Variants in RBFOX1 observed in about 807,000 individuals in gnomAD.
The protein encoded by RBFOX1 is RNA binding protein fox-1 homolog 1.
Under a neutral mutation model 57.7 loss-of-function variants are expected in RBFOX1, and 8 were observed. The ratio of observed to expected loss-of-function variants is 0.14; its 90% CI spans 0.08 to 0.25. RBFOX1 has a LOEUF of 0.25. Among genes scored for constraint, RBFOX1 ranks in the 10% least tolerant of loss-of-function variants. RBFOX1 has a pLI of 1.00. For missense variants in RBFOX1, 611 were observed against 548.5 expected, an observed-to-expected ratio of 1.11 and a Z score of -1.14; for synonymous variants, 326 against 222.4, an observed-to-expected ratio of 1.47 and a Z score of -4.15.
chr16:5,710,014 C>G (rs187707756), intron 3 of RBFOX1, among the ~76,000 whole-genome samples: 2 of 150,840 alleles, frequency 1.3e-5, no homozygotes, highest in Admixed American at 6.6e-5. Context: ...GTTCTACAGC[C>G]TGTACGCTGA....
intron 4 of RBFOX1, among the ~76,000 whole-genome samples, chr16:7,065,164 G>T (rs536343775): frequency 1.3e-5 from 2 of 152,332 alleles, no homozygotes; most frequent in East Asian, 3.9e-4. Context: ...AAATGAGCAA[G>T]CAACTGGTGT....
chr16:6,462,307 C>G (rs1178596362), intron 2 of RBFOX1, among the ~76,000 whole-genome samples: 2 of 152,206 alleles, frequency 1.3e-5, no homozygotes, highest in Non-Finnish European at 1.5e-5. Context: ...TTTGCTGATA[C>G]AATTATCCAT....
chr16:6,249,453 G>T (rs900784597), intron 1 of RBFOX1, among the ~76,000 whole-genome samples: 85 of 152,286 alleles, frequency 5.6e-4, no homozygotes, highest in African/African-American at 2.0e-3. Context: ...GAACCCGGGA[G>T]GCAGAGATTG....
intron 1 of RBFOX1, among the ~76,000 whole-genome samples, chr16:5,252,973 A>G (rs2062490476): frequency 1.3e-5 from 2 of 152,214 alleles, no homozygotes; most frequent in East Asian, 1.9e-4. Context: ...GCACGCAGCC[A>G]ATTGTCTTGG....
intron 1 of RBFOX1, among the ~76,000 whole-genome samples, chr16:5,431,234 G>C (rs368371387): frequency 2.9e-4 from 44 of 152,274 alleles, no homozygotes; most frequent in South Asian, 1.7e-3. Context: ...ATAGCCTTTC[G>C]TAAAGTTCTG....
intron 13 of RBFOX1, among the ~76,000 whole-genome samples, chr16:7,670,847 T>G (rs1363773161): frequency 6.6e-6 from 1 of 152,192 alleles, no homozygotes; most frequent in Non-Finnish European, 1.5e-5. Context: ...TGACCATGAA[T>G]GACTCTTATG....
intron 2 of RBFOX1, among the ~76,000 whole-genome samples, chr16:6,341,724 C>G (rs961470940): frequency 6.6e-6 from 1 of 152,004 alleles, no homozygotes. Flanking sequence ...TATGAATGTC[C>G]TACTCTGTCT....
chr16:5,490,481 G>T (rs1333024795), intron 2 of RBFOX1, among the ~76,000 whole-genome samples: 1 of 151,898 alleles, frequency 6.6e-6, no homozygotes, highest in Non-Finnish European at 1.5e-5. Context: ...GGCGTCCTGG[G>T]AACCTGGCGT....
At chr16:6,917,073 A>C (rs1210268257) in intron 3 of RBFOX1, among the ~76,000 whole-genome samples, 2 of 152,140 alleles carry the variant, frequency 1.3e-5, no homozygotes, top group African/African-American at 4.8e-5. Flanking sequence ...CTAGTCCTGA[A>C]CTCATGATCT....
chr16:5,503,698 C>T (rs1016522852), intron 2 of RBFOX1, among the ~76,000 whole-genome samples: 1 of 152,142 alleles, frequency 6.6e-6, no homozygotes, highest in African/African-American at 2.4e-5. Context: ...TCTGCCTCGG[C>T]CTCCCAAAGT....
At chr16:7,688,916 C>G (rs1057427947) in intron 14 of RBFOX1, among the ~76,000 whole-genome samples, 1 of 152,022 alleles carries the variant, frequency 6.6e-6, no homozygotes, top group Non-Finnish European at 1.5e-5. Context: ...GACATCACAC[C>G]TCACTGCTGA....
At chr16:6,124,753 C>G (rs541891128) in intron 1 of RBFOX1, among the ~76,000 whole-genome samples, 11 of 152,172 alleles carry the variant, frequency 7.2e-5, no homozygotes, top group African/African-American at 2.4e-4. Context: ...GTCTCAAACT[C>G]CTGACCTCAA....
At chr16:6,023,962 A>G (rs547793927) in intron 1 of RBFOX1, among the ~76,000 whole-genome samples, 1 of 152,348 alleles carries the variant, frequency 6.6e-6, no homozygotes, top group East Asian at 1.9e-4. Context: ...TAGCACTTTC[A>G]GATGATGTCA....
intron 1 of RBFOX1, among the ~76,000 whole-genome samples, chr16:6,257,787 A>G (rs978442370): frequency 2.6e-5 from 4 of 152,150 alleles, no homozygotes; most frequent in African/African-American, 9.7e-5. Flanking sequence ...GTATTCCATA[A>G]TGGATATGCG....
chr16:7,214,768 G>T (rs770802049), intron 4 of RBFOX1, among the ~76,000 whole-genome samples: 7 of 152,020 alleles, frequency 4.6e-5, no homozygotes, highest in Non-Finnish European at 7.4e-5. Flanking sequence ...TTCCTTCACT[G>T]TCTCAATCTC....
In RBFOX1 at chr16:5,946,534, C is replaced by T. The variant is rs1053665570; in HGVS notation, c.351+79199C>T. Among the ~76,000 whole-genome samples the T allele has an allele frequency of 1.9e-4, 28 of 149,488 alleles. No individual in the cohort carries two copies. Among genetic ancestry groups the T allele is most frequent in the African/African-American group, 2.4e-4 (10 of 41,270 alleles). ...GACATGGAAGTTCTACGCCCTTCCCCGTATCTCACTCTATGCATATTTTTT... is the reference window on the plus strand; with the variant it reads ...GACATGGAAGTTCTACGCCCTTCCCTGTATCTCACTCTATGCATATTTTTT... On this transcript the variant is annotated intron_variant, in intron 4 of 19. Coordinates refer to the RBFOX1 transcript ENST00000641259. This position sits in a 1 kb window ranked among gnomAD's most constrained non-coding sequence, Gnocchi z 4.6.
intron 4 of RBFOX1, among the ~76,000 whole-genome samples, chr16:7,098,719 G>A (rs528088546): frequency 5.9e-5 from 9 of 152,228 alleles, no homozygotes; most frequent in African/African-American, 1.2e-4. Context: ...GGAAACTGAG[G>A]CAGGAGGATC....
At chr16:5,569,103 G>C (rs1192051857) in intron 2 of RBFOX1, among the ~76,000 whole-genome samples, 1 of 151,806 alleles carries the variant, frequency 6.6e-6, no homozygotes, top group Non-Finnish European at 1.5e-5. Flanking sequence ...GCCCGCCTTG[G>C]TCTCCCAAAG....
intron 3 of RBFOX1, among the ~76,000 whole-genome samples, chr16:5,855,791 G>C (rs2057010089): frequency 6.6e-6 from 1 of 151,824 alleles, no homozygotes; most frequent in Admixed American, 6.6e-5. Context: ...GGATCATACT[G>C]ACTGTAGATC....
Sources: gnomAD v4.1 joint callset for allele counts (sites outside exome capture counted in the v4.1 genomes callset) on GRCh38, gnomAD v4.1.1 for gene constraint, Gnocchi (gnomAD v3.1) non-coding constraint, MANE v1.5 for transcripts, NCBI Gene and HGNC (gene_info 2026-07-23, HGNC 2026-07-21) for gene names.